The following RBM26 variants were observed in gnomAD, a reference collection of about 807,000 sequenced individuals.
RBM26 encodes RNA-binding protein 26.
Under a neutral mutation model 123.6 loss-of-function variants are expected in RBM26, and 30 were observed. The observed-to-expected ratio is 0.24, with a 90% CI of 0.18 to 0.33. RBM26 has a LOEUF of 0.33. Among genes scored for constraint, RBM26 ranks in the 10% least tolerant of loss-of-function variants. The pLI, the probability that RBM26 is intolerant of heterozygous loss-of-function variation, is 1.00. For synonymous variants in RBM26, 400 were observed against 404.4 expected, an observed-to-expected ratio of 0.99 and a Z score of 0.13; for missense variants, 947 against 1,203.6, an observed-to-expected ratio of 0.79 and a Z score of 3.15.
intron 3 of RBM26, among the ~76,000 whole-genome samples, chr13:79,372,775 TATA>T (rs1233905813): frequency 1.1e-5 from 1 of 88,504 alleles, no homozygotes; most frequent in South Asian, 4.4e-4. Flanking sequence ...TTATATTATA[TATA>T]ATTATATGAT....
At chr13:79,342,571 A>T (rs1242112314) in intron 17 of RBM26, 93 bp downstream of exon 17, 1 of 1,006,056 alleles carries the variant, frequency 9.9e-7, no homozygotes, top group African/African-American at 1.6e-5. Flanking sequence ...TTTTGAACAG[A>T]AGATATTACC....
downstream of RBM26, among the ~76,000 whole-genome samples, chr13:79,317,046 C>A (rs944506117): frequency 6.6e-6 from 1 of 151,664 alleles, no homozygotes; most frequent in African/African-American, 2.4e-5. Flanking sequence ...GGTGAGAGAA[C>A]TGACTCTATC....
At chr13:79,346,519 C>T (rs373199739) in intron 14 of RBM26, among the ~76,000 whole-genome samples, 1 of 152,006 alleles carries the variant, frequency 6.6e-6, no homozygotes, top group Non-Finnish European at 1.5e-5. Flanking sequence ...ACCTCAGCCG[C>T]GCACCACCAC....
intron 17 of RBM26, 98 bp from the exon 18 acceptor site, chr13:79,341,325 A>G (rs2071335336): frequency 1.5e-6 from 1 of 656,040 alleles, no homozygotes; most frequent in Non-Finnish European, 2.5e-6. Flanking sequence ...CATTTAATCC[A>G]TATATTTCTA....
intron 16 of RBM26, among the ~76,000 whole-genome samples, chr13:79,343,885 C>CAA (rs1351346289): frequency 6.6e-6 from 1 of 151,790 alleles, no homozygotes; most frequent in Non-Finnish European, 1.5e-5. Context: ...TATAGACAGT[C>CAA]ACATGTGGCT....
At chr13:79,317,747 C>T (rs1239965314), downstream of RBM26, among the ~76,000 whole-genome samples, 2 of 151,704 alleles carry the variant, frequency 1.3e-5, no homozygotes, top group Non-Finnish European at 3.0e-5. Context: ...GTACTTGTAA[C>T]CCCACAAGTG....
At chr13:79,372,839 ATAT>A (rs61528497) in intron 3 of RBM26, among the ~76,000 whole-genome samples, 5 of 113,492 alleles carry the variant, frequency 4.4e-5, no homozygotes, top group African/African-American at 1.2e-4. Flanking sequence ...TTATATAAAT[ATAT>A]TATATATTAT....
intron 18 of RBM26, among the ~76,000 whole-genome samples, chr13:79,338,063 C>A (rs555039491): frequency 9.1e-4 from 139 of 152,188 alleles, no homozygotes; most frequent in African/African-American, 3.1e-3. Context: ...ACTAAAAATA[C>A]TGAAAATTAG....
At chr13:79,353,378 GA>G in intron 13 of RBM26, among the ~76,000 whole-genome samples, 154 bp from the exon 14 acceptor site, 1 of 152,004 alleles carries the variant, frequency 6.6e-6, no homozygotes, top group Non-Finnish European at 1.5e-5. Context: ...GAGACAGAAA[GA>G]AAATATGTGG....
At chr13:79,389,100 G>A (rs1010259972) in intron 1 of RBM26, among the ~76,000 whole-genome samples, 4 of 152,122 alleles carry the variant, frequency 2.6e-5, no homozygotes, top group African/African-American at 9.7e-5. Flanking sequence ...AATAATTGCA[G>A]AATGTATGGA....
In RBM26 at chr13:79,355,304, C is replaced by T. The variant is rs1566424054; in HGVS notation, c.1770G>A (p.Thr590=). 8.1e-6 allele frequency: 13 copies of T among 1,613,830 alleles called. No homozygotes were observed. The highest frequency in any genetic ancestry group is 4.5e-5 in the East Asian group (2 of 44,862). ...TAAAGCGATTGTTTAATACTGCTTC[C>T]GTACTTGATATTGCTTTCTTTGCTT... is the stretch of plus-strand genomic sequence containing the variant. ...YEEAKKAISS[T]EAVLNNRFIK... Residue 590 remains threonine (T), a synonymous_variant, in exon 12 of 22, where the codon ACG becomes ACA. Coordinates refer to ENST00000438737, the MANE Select transcript of RBM26 (RefSeq NM_001366735.2).
At chr13:79,348,132 T>C (rs758947257) in intron 14 of RBM26, among the ~76,000 whole-genome samples, 2 of 152,150 alleles carry the variant, frequency 1.3e-5, no homozygotes, top group Admixed American at 6.5e-5. Flanking sequence ...TGAATGATTA[T>C]GTATTTCATG....
chr13:79,398,246 G>A (rs2140503831), intron 1 of RBM26, among the ~76,000 whole-genome samples: 1 of 152,294 alleles, frequency 6.6e-6, no homozygotes, highest in Middle Eastern at 3.4e-3. Flanking sequence ...TCAAGCTTCA[G>A]TTAGTCATTC....
intron 1 of RBM26, among the ~76,000 whole-genome samples, chr13:79,383,360 A>T (rs989166338): frequency 6.6e-6 from 1 of 152,182 alleles, no homozygotes; most frequent in African/African-American, 2.4e-5. Flanking sequence ...AGCATTTTTT[A>T]AAAATTACAC....
chr13:79,365,359 CA>C (rs1349839225), intron 9 of RBM26, among the ~76,000 whole-genome samples: 2 of 152,078 alleles, frequency 1.3e-5, no homozygotes, highest in Admixed American at 6.6e-5. Flanking sequence ...GCAGGAAAAT[CA>C]CTTAAAGGGG....
intron 9 of RBM26, 90 bp downstream of exon 9, chr13:79,365,488 C>A: frequency 2.0e-6 from 2 of 1,008,062 alleles, no homozygotes; most frequent in South Asian, 1.6e-5. Context: ...TTATCCAACC[C>A]CAATAAAGGC....
At chr13:79,323,325 A>G (rs2067921016) in intron 20 of RBM26, among the ~76,000 whole-genome samples, 1 of 151,626 alleles carries the variant, frequency 6.6e-6, no homozygotes, top group African/African-American at 2.4e-5. Flanking sequence ...TACATATTCA[A>G]TGATATTTGA....
At chr13:79,313,669 T>C (rs1279756814) in exon 5 of RBM26, 1 of 151,822 alleles carries the variant, frequency 6.6e-6, no homozygotes, top group African/African-American at 2.4e-5. Flanking sequence ...TGTAAACTAC[T>C]AGGTCTTTAA....
At chr13:79,384,894 C>T (rs1208369892) in intron 1 of RBM26, among the ~76,000 whole-genome samples, 1 of 152,108 alleles carries the variant, frequency 6.6e-6, no homozygotes, top group Non-Finnish European at 1.5e-5. Flanking sequence ...TACTCCAATA[C>T]AATATTTCAA....
Sources: gnomAD v4.1 joint callset for allele counts (sites outside exome capture counted in the v4.1 genomes callset) on GRCh38, gnomAD v4.1.1 for gene constraint, MANE v1.5 for transcripts, NCBI Gene and HGNC (gene_info 2026-07-23, HGNC 2026-07-21) for gene names.